CHD2: variants seen among roughly 807,000 people sequenced by gnomAD.
CHD2 encodes ATP-dependent chromatin remodeler CHD2.
In CHD2, 28 loss-of-function variants were observed where a neutral mutation model predicts 243.9. That is an observed-to-expected ratio of 0.11 (90% CI 0.09 to 0.16). The LOEUF (loss-of-function observed/expected upper bound fraction) is 0.16, where lower values mean the gene tolerates loss of function less well. Among genes scored for constraint, CHD2 ranks in the 10% least tolerant of loss-of-function variants. CHD2 has a pLI of 1.00. For missense variants in CHD2, 1,386 were observed against 2,209.8 expected (o/e 0.63, Z 7.47); for synonymous variants, 775 against 779.0 (o/e 0.99, Z 0.09).
At chr15:92,921,640 G>T (rs530982994) in intron 2 of CHD2, among the ~76,000 whole-genome samples, 5 of 152,212 alleles carry the variant, frequency 3.3e-5, no homozygotes, top group Non-Finnish European at 7.3e-5. Flanking sequence ...TCACTAATGG[G>T]TGTTAGCTGG....
At chr15:92,974,756 C>T (rs768697716) in intron 19 of CHD2, 123 bp from the exon 20 acceptor site, 5 of 788,294 alleles carry the variant, frequency 6.3e-6, no homozygotes, top group Non-Finnish European at 1.1e-5. Flanking sequence ...AGCGCTTTGC[C>T]AGTGCTTTGC....
At chr15:92,918,202 A>G (rs1327098505) in intron 2 of CHD2, among the ~76,000 whole-genome samples, 1 of 152,220 alleles carries the variant, frequency 6.6e-6, no homozygotes, top group Non-Finnish European at 1.5e-5. Flanking sequence ...AGTTCCAAGA[A>G]GGTTAATCAC....
In CHD2 at chr15:93,011,585, G is replaced by C. The variant is rs574498844; in HGVS notation, c.4593-760G>C. Reference sequence around the variant, plus strand: ...ACTAGTTAGGGAGCCTGTACAGGTGGTCCTGTCAGCAGCAAGCCATGGTGA... The same window carrying C: ...ACTAGTTAGGGAGCCTGTACAGGTGCTCCTGTCAGCAGCAAGCCATGGTGA... On this transcript the variant is annotated intron_variant, in intron 35 of 38. Transcript: ENST00000394196. Among the ~76,000 whole-genome samples, 32 of 152,312 alleles carry C rather than the reference G, an allele frequency of 2.1e-4. No homozygotes were observed. In the South Asian group the frequency reaches 6.6e-3, roughly 32 times the overall value.
chr15:92,925,556 G>C (rs2053043614), intron 3 of CHD2, among the ~76,000 whole-genome samples: 1 of 152,162 alleles, frequency 6.6e-6, no homozygotes, highest in Admixed American at 6.5e-5. Context: ...AGTTAATAAG[G>C]GCTCCATAAA....
chr15:93,014,610 A>T (rs1405156049), intron 36 of CHD2, 86 bp from the exon 37 acceptor site: 1 of 1,140,280 alleles, frequency 8.8e-7, no homozygotes, highest in Non-Finnish European at 1.3e-6. Flanking sequence ...GACAAGAAGG[A>T]GCTGTTTAGA....
intron 33 of CHD2, 71 bp from the exon 34 acceptor site, chr15:93,004,546 A>G: frequency 7.1e-7 from 1 of 1,410,518 alleles, no homozygotes; most frequent in Non-Finnish European, 9.5e-7. Context: ...AACACAACAT[A>G]GGTAAGAAAC....
intron 37 of CHD2, among the ~76,000 whole-genome samples, chr15:93,019,635 A>G (rs909713239): frequency 1.3e-5 from 2 of 152,292 alleles, no homozygotes; most frequent in African/African-American, 2.4e-5. Flanking sequence ...GTGGAAGAAA[A>G]CAAAAATAAA....
At chr15:92,911,693 C>G (rs1430252022) in intron 2 of CHD2, among the ~76,000 whole-genome samples, 1 of 152,130 alleles carries the variant, frequency 6.6e-6, no homozygotes, top group African/African-American at 2.4e-5. Flanking sequence ...TCAGATCGCA[C>G]CACTCCACTC....
chr15:92,957,270 GCTAT>G (rs2053628123), intron 16 of CHD2, among the ~76,000 whole-genome samples: 1 of 152,118 alleles, frequency 6.6e-6, no homozygotes. Context: ...AGCCATTCTG[GCTAT>G]CTTTCTGTCC....
intron 28 of CHD2, among the ~76,000 whole-genome samples, chr15:92,995,131 T>G (rs1053548070): frequency 2.0e-5 from 3 of 152,358 alleles, no homozygotes; most frequent in African/African-American, 7.2e-5. Context: ...GCATTTCTTT[T>G]TGATCTTAGA....
chr15:92,919,782 C>A (rs2052919838), intron 2 of CHD2, among the ~76,000 whole-genome samples: 1 of 152,152 alleles, frequency 6.6e-6, no homozygotes, highest in South Asian at 2.1e-4. Context: ...ATTTGGCTCT[C>A]ATGATTAGAC....
At position 93,020,131 on chromosome 15, in the gene CHD2, G is replaced by C; in HGVS notation, c.5026G>C (p.Gly1676Arg). ...EQHWYKDHHY[G>R]DRRHMDAHRS... ...GCACTGGTACAAGGACCACCATTAT[G>C]GGGACCGGCGACATATGGATGCCCA... is the stretch of plus-strand genomic sequence containing the variant. The change falls in exon 38 of 39, where the codon GGG becomes CGG. Residue 1676 changes from glycine (G) to arginine (R), a missense_variant. Physicochemically the swap from Gly to Arg is moderately radical, Grantham distance 125. Around this residue, in one of 19 missense-constraint regions of CHD2, gnomAD observed 347 missense variants for 341.6 expected, o/e 1.02. Coordinates refer to ENST00000394196, the MANE Select transcript of CHD2 (RefSeq NM_001271.4). 1 of 1,614,106 alleles carries C rather than the reference G, an allele frequency of 6.2e-7. No individual in the cohort carries two copies.
intron 4 of CHD2, among the ~76,000 whole-genome samples, chr15:92,928,376 G>A (rs1054378916): frequency 1.1e-4 from 17 of 152,300 alleles, no homozygotes; most frequent in South Asian, 2.1e-4. Flanking sequence ...ACAGCAATAG[G>A]AATAGTTTGC....
intron 19 of CHD2, chr15:92,973,890 C>A (rs1297835775): frequency 6.6e-6 from 1 of 152,182 alleles, no homozygotes; most frequent in African/African-American, 2.4e-5. Flanking sequence ...CCATTGAATA[C>A]GTCTTCGGTT....
At chr15:92,927,447 ACT>A in intron 4 of CHD2, 117 bp downstream of exon 4, 1 of 680,092 alleles carries the variant, frequency 1.5e-6, no homozygotes, top group Non-Finnish European at 2.6e-6. Context: ...GGGTTAAGTG[ACT>A]CTAATATGAG....
chr15:92,904,898 TGTTTAATAC>T, intron 2 of CHD2: 2 of 1,535,684 alleles, frequency 1.3e-6, no homozygotes. Context: ...TGTTAACAGC[TGTTTAATAC>T]ATGGCTCATA....
chr15:92,945,787 T>G (rs1006831941), intron 10 of CHD2, 34 bp from the exon 11 acceptor site: 1 of 1,412,440 alleles, frequency 7.1e-7, no homozygotes, highest in African/African-American at 1.4e-5. Context: ...TCATTGTGTT[T>G]ATAACTTTTC....
At chr15:93,023,260 A>T (rs1220494253) in intron 38 of CHD2, among the ~76,000 whole-genome samples, 1 of 152,266 alleles carries the variant, frequency 6.6e-6, no homozygotes, top group Non-Finnish European at 1.5e-5. Context: ...GACATTTCAT[A>T]TAGAAAGAGT....
chr15:93,007,266 C>T (rs901049747), intron 34 of CHD2, among the ~76,000 whole-genome samples: 2 of 152,236 alleles, frequency 1.3e-5, no homozygotes, highest in African/African-American at 4.8e-5. Context: ...CTATGAAATA[C>T]TGACTGAAGG....
Sources: allele counts gnomAD v4.1 joint callset (sites outside exome capture counted in the v4.1 genomes callset), GRCh38; gene constraint gnomAD v4.1.1; regional missense constraint gnomAD v4.1.1; transcripts MANE v1.5; gene names NCBI Gene and HGNC (gene_info 2026-07-23, HGNC 2026-07-21).